Variants in C1D observed in about 807,000 individuals in gnomAD.
The protein encoded by C1D is nuclear nucleic acid-binding protein C1D.
C1D carries 10 observed loss-of-function variants against 17.5 expected under a neutral mutation model. The observed-to-expected ratio is 0.57, with a 90% CI of 0.35 to 0.97. The LOEUF is 0.97. Ranked by LOEUF, C1D falls within the 50% of genes least tolerant of loss-of-function variation. C1D has a pLI of 0.01. For missense variants in C1D, 136 were observed against 160.1 expected (o/e 0.85, Z 0.81); for synonymous variants, 49 against 54.0 (o/e 0.91, Z 0.40).
chr2:68,044,994 C>T (rs184105698), intron 4 of C1D, among the ~76,000 whole-genome samples: 63 of 152,226 alleles, frequency 4.1e-4, no homozygotes, highest in African/African-American at 1.4e-3. Context: ...CAAACCAAGA[C>T]CTGCATATCA....
intron 1 of C1D, among the ~76,000 whole-genome samples, chr2:68,051,069 A>G (rs1226478455): frequency 6.6e-6 from 1 of 152,164 alleles, no homozygotes; most frequent in African/African-American, 2.4e-5. Context: ...CCTGGTCCAA[A>G]CCATGCCTGA....
At chr2:68,059,697 TACA>T (rs1671564040) in intron 1 of C1D, among the ~76,000 whole-genome samples, 1 of 152,236 alleles carries the variant, frequency 6.6e-6, no homozygotes, top group Non-Finnish European at 1.5e-5. Flanking sequence ...CTGTAAATTC[TACA>T]ACACCAGACT....
chr2:68,057,734 C>G (rs903971990), intron 1 of C1D, among the ~76,000 whole-genome samples: 1 of 152,116 alleles, frequency 6.6e-6, no homozygotes, highest in Non-Finnish European at 1.5e-5. Flanking sequence ...CTCAAACATA[C>G]CAGATAAAAA....
intron 4 of C1D, among the ~76,000 whole-genome samples, chr2:68,044,253 G>A (rs1671053211): frequency 6.6e-6 from 1 of 152,228 alleles, no homozygotes; most frequent in South Asian, 2.1e-4. Context: ...CAAGGGCAGG[G>A]ATCAGCATTA....
In C1D at chr2:68,041,378, GA is replaced by G. The variant is rs1553387722; in HGVS notation, c.*1510del. On this transcript the variant is annotated 3_prime_UTR_variant, in exon 5 of 5. Transcript: ENST00000410067. The stretch of plus-strand genomic sequence containing the variant: ...CTTTTATGAAATTAGAAAATATACA[GA>G]AATCCAAATAAATTTCTTTGCAATA... 1 of 151,918 alleles carries G rather than the reference GA, an allele frequency of 6.6e-6. No individual in the cohort carries two copies. Among genetic ancestry groups the G allele is most frequent in the Non-Finnish European group, 1.5e-5 (1 of 67,866 alleles). The allele number at this position is 151,918 out of a possible 1,614,324, so 9.4% of individuals were successfully genotyped here.
intron 4 of C1D, among the ~76,000 whole-genome samples, chr2:68,045,374 G>A (rs1321071144): frequency 1.3e-5 from 2 of 151,914 alleles, no homozygotes; most frequent in Non-Finnish European, 2.9e-5. Context: ...CAAATTGAAT[G>A]ATTTGATTTA....
intron 1 of C1D, among the ~76,000 whole-genome samples, chr2:68,058,807 A>C (rs1671534801): frequency 6.6e-6 from 1 of 152,158 alleles, no homozygotes; most frequent in Non-Finnish European, 1.5e-5. Flanking sequence ...CGTGACTAGA[A>C]TCTCCGATTT....
chr2:68,062,118 T>C (rs1671649017), intron 1 of C1D, among the ~76,000 whole-genome samples: 1 of 152,240 alleles, frequency 6.6e-6, no homozygotes, highest in Non-Finnish European at 1.5e-5. Context: ...ATTTTCCATG[T>C]GATTCTTACA....
intron 1 of C1D, among the ~76,000 whole-genome samples, chr2:68,057,952 C>G (rs1056157438): frequency 6.6e-6 from 1 of 152,220 alleles, no homozygotes; most frequent in African/African-American, 2.4e-5. Flanking sequence ...GATGCTTTTG[C>G]AAGTTCTCAT....
At chr2:68,054,008 T>C (rs1041926255) in intron 1 of C1D, among the ~76,000 whole-genome samples, 1 of 152,218 alleles carries the variant, frequency 6.6e-6, no homozygotes, top group Admixed American at 6.5e-5. Flanking sequence ...TTAATGTATT[T>C]TTATTTACTT....
chr2:68,060,214 A>G (rs1466893959), intron 1 of C1D, among the ~76,000 whole-genome samples: 1 of 152,026 alleles, frequency 6.6e-6, no homozygotes, highest in African/African-American at 2.4e-5. Flanking sequence ...CTCCACCTTC[A>G]CTTCTTTCCA....
chr2:68,046,523 G>A, intron 2 of C1D, 113 bp from the exon 3 acceptor site: 1 of 694,650 alleles, frequency 1.4e-6, no homozygotes, highest in Non-Finnish European at 2.4e-6. Flanking sequence ...ATGTATCAAA[G>A]AAGTTTTTTT....
chr2:68,051,288 G>A (rs1438190541), intron 1 of C1D, among the ~76,000 whole-genome samples: 1 of 152,130 alleles, frequency 6.6e-6, no homozygotes, highest in Admixed American at 6.6e-5. Context: ...GGAGGCCAAG[G>A]CAGGAGGACA....
At chr2:68,053,183 C>T (rs1572885171) in intron 1 of C1D, 7 of 1,550,262 alleles carry the variant, frequency 4.5e-6, no homozygotes, top group Admixed American at 2.0e-5. Flanking sequence ...AAACTTGCTT[C>T]TCTTCACCAC....
chr2:68,045,927 T>C, intron 4 of C1D, 61 bp downstream of exon 4: 1 of 1,123,106 alleles, frequency 8.9e-7, no homozygotes, highest in East Asian at 2.6e-5. Context: ...ACAAAGGTAG[T>C]GTGACAAACC....
chr2:68,059,794 T>TTCTCTTTTCTGTCTACAGA (rs1384665281), intron 1 of C1D, among the ~76,000 whole-genome samples: 2 of 152,178 alleles, frequency 1.3e-5, no homozygotes, highest in Non-Finnish European at 2.9e-5. Context: ...TTAAAATGCC[T>TTCTCTTTTCTGTCTACAGA]AAGGACTCAG....
intron 1 of C1D, among the ~76,000 whole-genome samples, chr2:68,051,781 T>G (rs1181218724): frequency 6.6e-6 from 1 of 151,926 alleles, no homozygotes; most frequent in Non-Finnish European, 1.5e-5. Flanking sequence ...CACTCAAATG[T>G]CATCTATTGG....
chr2:68,059,094 A>G (rs187565884), intron 1 of C1D, among the ~76,000 whole-genome samples: 191 of 152,342 alleles, frequency 1.3e-3, no homozygotes, highest in African/African-American at 4.3e-3. Flanking sequence ...CACAAGAAGC[A>G]TAGTGTCAGC....
rs768942942 is a variant in C1D, at chr2:68,042,978, C to T, written c.337G>A (p.Ala113Thr). The T allele has an allele frequency of 1.7e-5, 27 of 1,608,182 alleles. No individual in the cohort carries two copies. The South Asian group carries it at 2.6e-4, about 16-fold the overall frequency. The change falls in exon 5 of 5, where the codon GCA (alanine) becomes ACA (threonine). Residue 113 changes from alanine (A) to threonine (T), a missense_variant. Ala to Thr is a moderately conservative substitution (Grantham distance 58). Transcript: ENST00000410067. ...GCATTTTTTACAAATCTTGAAGCTG[C>T]ACCTCTGTCCAGCTTGCCAGCCTTT... ...KKKAGKLDRG[A>T]ASRFVKNALW...
Sources: allele counts gnomAD v4.1 joint callset (sites outside exome capture counted in the v4.1 genomes callset), GRCh38; gene constraint gnomAD v4.1.1; transcripts MANE v1.5; gene names NCBI Gene and HGNC (gene_info 2026-07-23, HGNC 2026-07-21).